DNAH2: variants seen among roughly 807,000 people sequenced by gnomAD.
DNAH2 encodes dynein axonemal heavy chain 2, also known as axonemal beta dynein heavy chain 2.
Under a neutral mutation model 523.5 loss-of-function variants are expected in DNAH2, and 323 were observed. That is an observed-to-expected ratio of 0.62 (90% CI 0.56 to 0.68). The LOEUF (loss-of-function observed/expected upper bound fraction) is 0.68, where lower values mean the gene tolerates loss of function less well. DNAH2 is among the 30% of genes least tolerant of loss of function. DNAH2 has a pLI of 0.00. For synonymous variants in DNAH2, 2,093 were observed against 2,177.4 expected (o/e 0.96, Z 1.08); for missense variants, 4,907 against 5,701.5 (o/e 0.86, Z 4.49).
At chr17:7,833,296 C>T in intron 85 of DNAH2, 75 bp downstream of exon 85, 1 of 1,607,200 alleles carries the variant, frequency 6.2e-7, no homozygotes, top group Non-Finnish European at 8.5e-7. Context: ...TGCTCCAGCC[C>T]ATCCCACACC....
At position 7,818,018 on chromosome 17, in the gene DNAH2, C is replaced by T; in HGVS notation, c.10309C>T (p.Pro3437Ser). The change falls in exon 68 of 86, where the codon CCG becomes TCG. Residue 3437 changes from proline to serine, a missense_variant. Physicochemically the swap from Pro to Ser is moderately conservative, Grantham distance 74. This residue lies in a region of DNAH2 where 1,851 missense variants were observed against 2,139.4 expected (regional missense o/e 0.87). Coordinates refer to ENST00000572933, the MANE Select transcript of DNAH2 (RefSeq NM_020877.5). ...ILEHAIHFGY[P>S]VLLQNVQEYL... ...AGAACACGCCATTCACTTTGGATAC[C>T]CGGTGCTACTTCAGAACGTGCAGGA... The T allele has an allele frequency of 6.2e-7, 1 of 1,614,084 alleles. No individual in the cohort carries two copies. Among genetic ancestry groups the T allele is most frequent in the Non-Finnish European group, 8.5e-7 (1 of 1,180,014 alleles).
chr17:7,808,696 A>G (rs1038862745), intron 63 of DNAH2, among the ~76,000 whole-genome samples: 1 of 151,920 alleles, frequency 6.6e-6, no homozygotes, highest in African/African-American at 2.4e-5. Context: ...TGCAACCTCC[A>G]CCTCCTGGGT....
Position 7,781,170 on chromosome 17 carries a change from A to G in DNAH2, c.6129+3A>G. 1 of 1,614,170 alleles carries G rather than the reference A, an allele frequency of 6.2e-7. No homozygotes were observed. The highest frequency in any genetic ancestry group is 2.2e-5 in the East Asian group (1 of 44,880). ...TGCCTGTCATTGACTATGGCAAGGT[A>G]TTTGTTCCTTAATACTCTCCCTGAC... On this transcript the variant is annotated splice_donor_region_variant and intron_variant, in intron 39 of 85. Coordinates refer to ENST00000572933, the MANE Select transcript of DNAH2 (RefSeq NM_020877.5).
chr17:7,817,389 A>G lies in DNAH2; in HGVS notation c.9994A>G (p.Ile3332Val). The G allele has an allele frequency of 3.1e-6, 5 of 1,613,750 alleles. No individual in the cohort carries two copies. The highest frequency in any genetic ancestry group is 4.2e-6 in the Non-Finnish European group (5 of 1,179,926). Residue 3332 changes from isoleucine to valine, a missense_variant, in exon 65 of 86, where the codon ATT becomes GTT. By Grantham distance (29) the Ile-to-Val change is conservative. Coordinates refer to ENST00000572933, the MANE Select transcript of DNAH2 (RefSeq NM_020877.5). ...GPFLTNYRDE[I>V]VNQIWIGKIW... ...CTTCCTGACCAACTACCGGGATGAGATTGTCAACCAAATCTGGATCGGGAA... is the reference window on the plus strand; with the variant it reads ...CTTCCTGACCAACTACCGGGATGAGGTTGTCAACCAAATCTGGATCGGGAA...
At position 7,818,282 on chromosome 17, in the gene DNAH2, T is replaced by C; in HGVS notation, c.10388-30T>C. The C allele has an allele frequency of 1.9e-6, 3 of 1,612,036 alleles. No individual in the cohort carries two copies. The South Asian group carries it at 3.3e-5, about 18-fold the overall frequency. ...GTTAGCTGGTACCCATCACATGGAG[T>C]CCTTGCCCCTGACCCTTCCGTGGAT... On this transcript the variant is annotated intron_variant, in intron 68 of 85. Transcript: ENST00000572933.
At chr17:7,729,399 AAG>A (rs955529566) in intron 4 of DNAH2, among the ~76,000 whole-genome samples, 18 of 150,958 alleles carry the variant, frequency 1.2e-4, no homozygotes, top group African/African-American at 3.6e-4. Context: ...AAAAAAAAAA[AAG>A]AGAGAGAGAG....
In DNAH2 at chr17:7,824,212, A is replaced by C. The variant is rs1487715731; in HGVS notation, c.11570A>C (p.His3857Pro). Reference sequence around the variant, plus strand: ...AGTGCCCTGCTGCAGCTGGCAGAGCACATGGGCATGGCCCAGCGCTTCCAC... The same window carrying C: ...AGTGCCCTGCTGCAGCTGGCAGAGCCCATGGGCATGGCCCAGCGCTTCCAC... ...PTSALLQLAE[H>P]MGMAQRFHAL... Residue 3857 changes from histidine to proline, a missense_variant, in exon 76 of 86, where the codon CAC becomes CCC. His to Pro is a moderately conservative substitution (Grantham distance 77). This residue lies in a region of DNAH2 where 1,851 missense variants were observed against 2,139.4 expected (regional missense o/e 0.87). Transcript: ENST00000572933. 2.5e-6 allele frequency: 4 copies of C among 1,607,156 alleles called. No homozygotes were observed. In the South Asian group the frequency reaches 4.4e-5, roughly 18 times the overall value.
At position 7,830,761 on chromosome 17, in the gene DNAH2, C is replaced by T; in HGVS notation, c.12149C>T (p.Thr4050Ile). 1 of 1,614,194 alleles carries T rather than the reference C, an allele frequency of 6.2e-7. No homozygotes were observed. Among genetic ancestry groups the T allele is most frequent in the Middle Eastern group, 1.6e-4 (1 of 6,062 alleles). ...GGCATCAACTATGGTGGACATGTCA[C>T]AGATGACTGGGACCGGCGCCTGCTG... Reference protein sequence around the residue: ...IAGINYGGHVTDDWDRRLLTT... With the variant: ...IAGINYGGHVIDDWDRRLLTT... The change falls in exon 79 of 86, where the codon ACA (threonine) becomes ATA (isoleucine). Residue 4050 changes from threonine to isoleucine, a missense_variant. Physicochemically the swap from Thr to Ile is moderately conservative, Grantham distance 89 (BLOSUM62 -1). Around this residue, in one of 3 missense-constraint regions of DNAH2, gnomAD observed 1,851 missense variants for 2,139.4 expected, o/e 0.87. Coordinates refer to ENST00000572933, the MANE Select transcript of DNAH2 (RefSeq NM_020877.5).
At chr17:7,788,388 A>G (rs1387535872) in intron 44 of DNAH2, 144 bp downstream of exon 44, 7 of 1,027,602 alleles carry the variant, frequency 6.8e-6, no homozygotes, top group South Asian at 1.7e-5. Context: ...TTCAACGACC[A>G]TGGAGGCAGT....
Position 7,796,562 on chromosome 17 carries a change from C to T in DNAH2, c.7773C>T (p.Ala2591=), listed in dbSNP as rs1190318834. The T allele has an allele frequency of 5.0e-6, 8 of 1,613,580 alleles. No individual in the cohort carries two copies. The highest frequency in any genetic ancestry group is 6.8e-6 in the Non-Finnish European group (8 of 1,179,924). ...VKPIGNVVTE[A]TLDMYNTVVQ... ...CCATTGGGAACGTGGTGACAGAGGC[C>T]ACCCTGGACATGTACAACACCGTGG... Residue 2591 remains alanine, a synonymous_variant, in exon 50 of 86, where the codon GCC becomes GCT. Transcript: ENST00000572933.
chr17:7,805,417 A>G (rs372226459), intron 61 of DNAH2, 24 bp downstream of exon 61: 22 of 1,613,746 alleles, frequency 1.4e-5, no homozygotes, highest in Middle Eastern at 3.3e-4. Flanking sequence ...AATGAAATCA[A>G]TGACTTCCAC....
chr17:7,818,600 C>T (rs772526542), intron 69 of DNAH2, 43 bp from the exon 70 acceptor site: 13 of 1,610,156 alleles, frequency 8.1e-6, no homozygotes, highest in African/African-American at 4.0e-5. Context: ...AGGTGAAGGT[C>T]GAAGGAGTGA....
At chr17:7,772,441 A>G (rs1055169551) in intron 28 of DNAH2, among the ~76,000 whole-genome samples, 2 of 152,236 alleles carry the variant, frequency 1.3e-5, no homozygotes, top group Non-Finnish European at 2.9e-5. Flanking sequence ...CAAAAAAACA[A>G]TGATCCCTTT....
intron 4 of DNAH2, among the ~76,000 whole-genome samples, chr17:7,731,357 C>T (rs1209607185): frequency 6.6e-6 from 1 of 151,624 alleles, no homozygotes; most frequent in Non-Finnish European, 1.5e-5. Flanking sequence ...TTTTTCTTAC[C>T]ACCATAGAAA....
intron 35 of DNAH2, 63 bp from the exon 36 acceptor site, chr17:7,779,180 A>G: frequency 6.3e-7 from 1 of 1,585,010 alleles, no homozygotes; most frequent in Non-Finnish European, 8.6e-7. Context: ...GGGTGCGTTA[A>G]TCACGCTTTC....
chr17:7,783,064 GT>G (rs938546970), intron 39 of DNAH2, among the ~76,000 whole-genome samples: 2 of 152,066 alleles, frequency 1.3e-5, no homozygotes, highest in African/African-American at 4.8e-5. Context: ...CAGGAGGACT[GT>G]TTTTTTGTTT....
At chr17:7,776,727 G>C in intron 31 of DNAH2, 52 bp from the exon 32 acceptor site, 5 of 1,452,732 alleles carry the variant, frequency 3.4e-6, no homozygotes, top group Non-Finnish European at 4.8e-6. Flanking sequence ...GAGCTGGGCT[G>C]TGCGTGTAGC....
intron 12 of DNAH2, among the ~76,000 whole-genome samples, chr17:7,746,769 C>T (rs374208524): frequency 1.3e-5 from 2 of 152,052 alleles, no homozygotes; most frequent in South Asian, 2.1e-4. Flanking sequence ...GGCAGATCAC[C>T]TGAGGTCAGG....
At chr17:7,785,204 C>T (rs759836204) in intron 39 of DNAH2, among the ~76,000 whole-genome samples, 3 of 151,446 alleles carry the variant, frequency 2.0e-5, no homozygotes, top group Admixed American at 6.6e-5. Context: ...CAGGTTCAAG[C>T]GATTCTCGTG....
Sources: allele counts gnomAD v4.1 joint callset (sites outside exome capture counted in the v4.1 genomes callset), GRCh38; gene constraint gnomAD v4.1.1; regional missense constraint gnomAD v4.1.1; transcripts MANE v1.5; gene names NCBI Gene and HGNC (gene_info 2026-07-23, HGNC 2026-07-21).